RBFOX1: variants seen among roughly 807,000 people sequenced by gnomAD.
The protein encoded by RBFOX1 is RNA binding fox-1 homolog 1, also known as RNA binding protein fox-1 homolog 1.
A neutral mutation model predicts 57.7 loss-of-function variants in RBFOX1; 8 were observed. That is an observed-to-expected ratio of 0.14 (90% confidence interval 0.08 to 0.25). RBFOX1 has a LOEUF of 0.25. RBFOX1 is among the 10% of genes least tolerant of loss of function. The pLI, the probability that RBFOX1 is intolerant of heterozygous loss-of-function variation, is 1.00. For missense variants in RBFOX1, 611 were observed against 548.5 expected, an observed-to-expected ratio of 1.11 and a Z score of -1.14; for synonymous variants, 326 against 222.4, an observed-to-expected ratio of 1.47 and a Z score of -4.15.
At chr16:5,859,615 G>T (rs963648180) in intron 3 of RBFOX1, among the ~76,000 whole-genome samples, 1 of 152,172 alleles carries the variant, frequency 6.6e-6, no homozygotes, top group African/African-American at 2.4e-5. Flanking sequence ...AACAGCATAG[G>T]TGCCCAGGGT....
chr16:5,718,738 C>G lies in RBFOX1; in HGVS notation c.318+119777C>G, dbSNP rs182165606. 3.4e-4 allele frequency among the ~76,000 whole-genome samples: 52 copies of G among 152,238 alleles called. 2 individuals are homozygous for G. The highest frequency in any genetic ancestry group is 9.9e-4 in the African/African-American group (41 of 41,526). The stretch of plus-strand genomic sequence containing the variant: ...CCTGGCCGACATGGTGGAATCCCAT[C>G]TCTAATAAAAGCTACAAAAATTAGC... On this transcript the variant is annotated intron_variant, in intron 3 of 19. Coordinates refer to the RBFOX1 transcript ENST00000641259.
intron 4 of RBFOX1, among the ~76,000 whole-genome samples, chr16:7,119,499 A>G (rs532713293): frequency 1.3e-5 from 2 of 152,260 alleles, no homozygotes; most frequent in East Asian, 3.9e-4. Flanking sequence ...ATTTCGAGTT[A>G]GATGGGATAT....
chr16:5,865,911 A>AGG (rs1347783185), intron 3 of RBFOX1, among the ~76,000 whole-genome samples: 1 of 151,692 alleles, frequency 6.6e-6, no homozygotes, highest in African/African-American at 2.4e-5. Flanking sequence ...GGAGAGAGAG[A>AGG]GAGAGGGAGA....
intron 3 of RBFOX1, among the ~76,000 whole-genome samples, chr16:6,809,911 G>C (rs569481714): frequency 6.6e-6 from 1 of 151,974 alleles, no homozygotes; most frequent in South Asian, 2.1e-4. Context: ...TTGTACAAAT[G>C]AATAAACACC....
intron 2 of RBFOX1, among the ~76,000 whole-genome samples, chr16:6,623,217 A>G (rs1415095398): frequency 2.0e-5 from 3 of 152,134 alleles, no homozygotes; most frequent in Admixed American, 6.6e-5. Flanking sequence ...AGGTTAGTCA[A>G]TTTGAGATTA....
At chr16:5,294,663 C>A (rs1457616736) in intron 1 of RBFOX1, among the ~76,000 whole-genome samples, 1 of 152,064 alleles carries the variant, frequency 6.6e-6, no homozygotes, top group Non-Finnish European at 1.5e-5. Flanking sequence ...TATGTTTCCC[C>A]TGTATTTGCC....
At chr16:6,313,432 A>G (rs893728465) in intron 1 of RBFOX1, among the ~76,000 whole-genome samples, 5 of 152,184 alleles carry the variant, frequency 3.3e-5, no homozygotes, top group African/African-American at 9.6e-5. Flanking sequence ...GGGGAAGTCT[A>G]TGAAGCAGTT....
intron 1 of RBFOX1, among the ~76,000 whole-genome samples, chr16:5,320,436 A>G (rs907296814): frequency 6.6e-6 from 1 of 152,194 alleles, no homozygotes; most frequent in Non-Finnish European, 1.5e-5. Context: ...AAAAGCTCAG[A>G]ATAGAAAACA....
At chr16:5,575,646 G>T (rs1466165446) in intron 2 of RBFOX1, among the ~76,000 whole-genome samples, 1 of 152,216 alleles carries the variant, frequency 6.6e-6, no homozygotes, top group Non-Finnish European at 1.5e-5. Context: ...GCATGAGACA[G>T]GCAGGAAAGT....
chr16:6,008,932 C>G (rs761133785), intron 4 of RBFOX1, among the ~76,000 whole-genome samples: 5 of 152,152 alleles, frequency 3.3e-5, no homozygotes, highest in Non-Finnish European at 7.3e-5. Context: ...GTAGAGAAAT[C>G]AAATAGACGG....
intron 1 of RBFOX1, among the ~76,000 whole-genome samples, chr16:5,267,916 T>C (rs1328332140): frequency 6.6e-6 from 1 of 152,016 alleles, no homozygotes; most frequent in East Asian, 1.9e-4. Flanking sequence ...ACATCTCTAC[T>C]AAAAATACAA....
intron 4 of RBFOX1, among the ~76,000 whole-genome samples, chr16:7,281,453 A>G (rs1354981134): frequency 6.6e-6 from 1 of 152,112 alleles, no homozygotes. Flanking sequence ...CTTCTATAAA[A>G]CACAGATAGT....
intron 4 of RBFOX1, chr16:7,333,143 A>T: frequency 6.5e-7 from 1 of 1,531,366 alleles, no homozygotes; most frequent in Non-Finnish European, 9.0e-7. Context: ...TCAGAGTAAT[A>T]ATTGGAATTT....
intron 3 of RBFOX1, among the ~76,000 whole-genome samples, chr16:6,780,693 C>A (rs1407286189): frequency 2.0e-5 from 3 of 149,068 alleles, no homozygotes; most frequent in Non-Finnish European, 4.4e-5. Flanking sequence ...GCTATTTTAA[C>A]TGGGGTGAGA....
chr16:6,514,160 C>T (rs1567514797), intron 2 of RBFOX1, among the ~76,000 whole-genome samples: 1 of 152,188 alleles, frequency 6.6e-6, no homozygotes, highest in African/African-American at 2.4e-5. Context: ...AGTGCTCTTT[C>T]TGCTTTTGAG....
chr16:5,669,063 G>C (rs770016829), intron 3 of RBFOX1, among the ~76,000 whole-genome samples: 2 of 152,108 alleles, frequency 1.3e-5, no homozygotes, highest in Non-Finnish European at 2.9e-5. Flanking sequence ...ATGGCACTTG[G>C]ATAGCACCCC....
At chr16:7,349,966 G>A (rs993355943) in intron 4 of RBFOX1, among the ~76,000 whole-genome samples, 1 of 152,150 alleles carries the variant, frequency 6.6e-6, no homozygotes. Context: ...GGGCAACATG[G>A]TGAAACCTCA....
intron 4 of RBFOX1, among the ~76,000 whole-genome samples, chr16:7,440,038 A>G (rs1598451104): frequency 1.4e-5 from 2 of 141,294 alleles, no homozygotes; most frequent in Admixed American, 7.8e-5. Flanking sequence ...AGCAGCCTCC[A>G]TCTCCCGGGT....
intron 3 of RBFOX1, among the ~76,000 whole-genome samples, chr16:7,009,473 C>T (rs546922979): frequency 6.6e-6 from 1 of 152,056 alleles, no homozygotes; most frequent in African/African-American, 2.4e-5. Flanking sequence ...AATATATTGA[C>T]TGCAGCCCAA....
Sources: allele counts gnomAD v4.1 joint callset (sites outside exome capture counted in the v4.1 genomes callset), GRCh38; gene constraint gnomAD v4.1.1; transcripts MANE v1.5; gene names NCBI Gene and HGNC (gene_info 2026-07-23, HGNC 2026-07-21).